Variants in CEP295NL observed in about 807,000 individuals in gnomAD.
CEP295NL encodes the protein CEP295 N-terminal like, also known as protein DDC8 homolog.
CEP295NL carries 3 observed loss-of-function variants against 4.6 expected under a neutral mutation model. The observed-to-expected ratio is 0.65, with a 90% CI of 0.30 to 1.69. The LOEUF (loss-of-function observed/expected upper bound fraction) is 1.69, where lower values mean the gene tolerates loss of function less well. CEP295NL is among the 40% of genes most tolerant of loss of function. The pLI is 0.10. For missense variants in CEP295NL, 719 were observed against 769.0 expected (o/e 0.93, Z 0.77); for synonymous variants, 295 against 312.2 (o/e 0.94, Z 0.58).
chr17:78,893,529 TTA>T (rs56786455), intron 2 of CEP295NL, among the ~76,000 whole-genome samples: 13,156 of 148,864 alleles, frequency 0.088, 1,759 homozygotes, highest in African/African-American at 0.31. Context: ...GCACATCTGT[TTA>T]TGTTTCTGTG....
chr17:78,894,273 G>A (rs918877065), intron 2 of CEP295NL, among the ~76,000 whole-genome samples: 1 of 152,018 alleles, frequency 6.6e-6, no homozygotes, highest in South Asian at 2.1e-4. Flanking sequence ...CTGGTAAGTG[G>A]CAGAGACAGG....
In CEP295NL at chr17:78,891,909, C is replaced by A. The variant is rs867893339; in HGVS notation, c.595G>T (p.Ala199Ser). The change falls in exon 3 of 3, where the codon GCG (alanine) becomes TCG (serine). Residue 199 changes from alanine to serine, a missense_variant. Coordinates refer to ENST00000322630, the MANE Select transcript of CEP295NL (RefSeq NM_001243540.2). The surrounding 1 kb of genome is among the most constrained non-coding windows in gnomAD (Gnocchi z 4.5). ...PRHSRPRKTA[A>S]SPEKPQTTKA... ...GTAGTCTGTGGTTTCTCTGGACTCG[C>A]TGCTGTCTTCCGGGGCCTGGAGTGC... 6.4e-7 allele frequency: 1 copy of A among 1,550,610 alleles called. No homozygotes were observed. Among genetic ancestry groups the A allele is most frequent in the African/African-American group, 1.4e-5 (1 of 73,182 alleles).
rs1319564808 is a variant in CEP295NL at position 78,896,634 on chromosome 17, C to T, written c.45-4175G>A. Among the ~76,000 whole-genome samples, 4 of 152,230 alleles carry T rather than the reference C, an allele frequency of 2.6e-5. No homozygotes were observed. Among genetic ancestry groups the T allele is most frequent in the African/African-American group, 7.2e-5 (3 of 41,552 alleles). ...CTGCTGCCCTCTGGTCCTGCCACCC[C>T]GAGCTGACAAGCCTGCCTTCTGCTG... On this transcript the variant is annotated intron_variant, in intron 2 of 2. Coordinates refer to ENST00000322630, the MANE Select transcript of CEP295NL (RefSeq NM_001243540.2). This position sits in a 1 kb window ranked among gnomAD's most constrained non-coding sequence, Gnocchi z 4.4.
chr17:78,901,542 G>A (rs1036642572), intron 2 of CEP295NL, among the ~76,000 whole-genome samples: 1 of 152,128 alleles, frequency 6.6e-6, no homozygotes. Context: ...AAAGGTCCTA[G>A]GAAGAAAAGC....
intron 1 of CEP295NL, chr17:78,902,583 T>G (rs553436740): frequency 6.6e-6 from 1 of 152,434 alleles, no homozygotes; most frequent in Admixed American, 6.5e-5. Flanking sequence ...GTGGAGATGG[T>G]TGGGCAGGCA....
chr17:78,892,230 C>T lies in CEP295NL; in HGVS notation c.274G>A (p.Ala92Thr), dbSNP rs747302803. The T allele has an allele frequency of 3.0e-4, 467 of 1,550,900 alleles. No homozygotes were observed. Among genetic ancestry groups the T allele is most frequent in the Admixed American group, 1.0e-3 (53 of 50,990 alleles). Residue 92 changes from alanine (A) to threonine (T), a missense_variant, in exon 3 of 3, where the codon GCT becomes ACT. Ala to Thr is a moderately conservative substitution (Grantham distance 58). Coordinates refer to ENST00000322630, the MANE Select transcript of CEP295NL (RefSeq NM_001243540.2). Reference protein sequence around the residue: ...LLQARGKGDLALQRRADAKLW... With the variant: ...LLQARGKGDLTLQRRADAKLW... ...TTGGCATCCGCTCTTCTCTGCAGAG[C>T]GAGATCGCCTTTGCCCCGGGCTTGT... is the stretch of plus-strand genomic sequence containing the variant.
intron 2 of CEP295NL, among the ~76,000 whole-genome samples, chr17:78,900,324 T>A (rs1339417421): frequency 1.3e-5 from 2 of 152,150 alleles, no homozygotes; most frequent in Non-Finnish European, 2.9e-5. Flanking sequence ...GGTGGCTGGA[T>A]CACCTCACGA....
At chr17:78,895,479 A>G (rs1014802978) in intron 2 of CEP295NL, among the ~76,000 whole-genome samples, 4 of 152,160 alleles carry the variant, frequency 2.6e-5, no homozygotes, top group Non-Finnish European at 4.4e-5. Context: ...GACAATAGCA[A>G]CTGTCAGTGA....
At chr17:78,892,747 G>A (rs895298780) in intron 2 of CEP295NL, among the ~76,000 whole-genome samples, 3 of 152,208 alleles carry the variant, frequency 2.0e-5, no homozygotes, top group African/African-American at 4.8e-5. Context: ...CAAATGCAGG[G>A]AGGAGGTGCT....
At chr17:78,894,849 A>G (rs2069973905) in intron 2 of CEP295NL, among the ~76,000 whole-genome samples, 1 of 152,240 alleles carries the variant, frequency 6.6e-6, no homozygotes, top group African/African-American at 2.4e-5. Context: ...TTCAAAAGGT[A>G]CCATAAGTAA....
intron 2 of CEP295NL, chr17:78,900,049 G>T (rs1479640511): frequency 1.3e-5 from 2 of 152,168 alleles, no homozygotes; most frequent in African/African-American, 2.4e-5. Context: ...ACCTTCTTTG[G>T]GGGAAATTTT....
chr17:78,896,738 T>C lies in CEP295NL; in HGVS notation c.45-4279A>G, dbSNP rs752555044. Among the ~76,000 whole-genome samples the C allele has an allele frequency of 7.9e-5, 12 of 151,822 alleles. No homozygotes were observed. Among genetic ancestry groups the C allele is most frequent in the Non-Finnish European group, 1.3e-4 (9 of 67,950 alleles). On this transcript the variant is annotated intron_variant, in intron 2 of 2. Coordinates refer to ENST00000322630, the MANE Select transcript of CEP295NL (RefSeq NM_001243540.2). The surrounding 1 kb of genome is among the most constrained non-coding windows in gnomAD (Gnocchi z 4.4). Reference sequence around the variant, plus strand: ...CTCGGAGCAGCAGAAGGAAGGCGAGTGGACACCAATCTGGCCTCCGGACGG... The same window carrying C: ...CTCGGAGCAGCAGAAGGAAGGCGAGCGGACACCAATCTGGCCTCCGGACGG...
intron 2 of CEP295NL, among the ~76,000 whole-genome samples, chr17:78,895,183 A>G (rs992034155): frequency 2.0e-5 from 3 of 152,212 alleles, no homozygotes; most frequent in Non-Finnish European, 4.4e-5. Flanking sequence ...CGGGAAGCTA[A>G]GGCAGGAGAA....
Position 78,890,898 on chromosome 17 carries a change from C to A in CEP295NL, c.1606G>T (p.Ala536Ser). ...PDMSLEIHYK[A>S]ELEKERREQR... is the part of the protein sequence containing the mutation. ...TCCCTCCTCTCTTTTTCTAGCTCAG[C>A]TTTGTAGTGGATTTCCAAGCTCATA... The change falls in exon 3 of 3, where the codon GCT becomes TCT. Residue 536 changes from alanine to serine, a missense_variant. Coordinates refer to ENST00000322630, the MANE Select transcript of CEP295NL (RefSeq NM_001243540.2). 1 of 1,550,714 alleles carries A rather than the reference C, an allele frequency of 6.4e-7. No individual in the cohort carries two copies. The highest frequency in any genetic ancestry group is 8.7e-7 in the Non-Finnish European group (1 of 1,147,038).
At chr17:78,901,998 T>C (rs565257801) in intron 1 of CEP295NL, 72 bp from the exon 2 acceptor site, 13 of 582,148 alleles carry the variant, frequency 2.2e-5, no homozygotes, top group South Asian at 1.9e-4. Context: ...CTCTGAGTTC[T>C]AGCCTCTAAA....
intron 1 of CEP295NL, 37 bp downstream of exon 1, chr17:78,903,097 A>C (rs1356270761): frequency 1.3e-5 from 2 of 152,316 alleles, no homozygotes; most frequent in African/African-American, 2.4e-5. Flanking sequence ...AGACACAGAG[A>C]GCCTCAGCCC....
At chr17:78,893,135 G>C (rs1236138912) in intron 2 of CEP295NL, among the ~76,000 whole-genome samples, 2 of 150,592 alleles carry the variant, frequency 1.3e-5, no homozygotes, top group African/African-American at 4.9e-5. Context: ...GTGCAGGGGT[G>C]TGTGTGCGTA....
At chr17:78,901,238 A>G (rs893756889) in intron 2 of CEP295NL, 1 of 154,734 alleles carries the variant, frequency 6.5e-6, no homozygotes, top group Non-Finnish European at 1.4e-5. Flanking sequence ...GATGGTCAAC[A>G]GCTACGAAGT....
At position 78,892,245 on chromosome 17, in the gene CEP295NL, C is replaced by A; in HGVS notation, c.259G>T (p.Gly87Cys). The stretch of plus-strand genomic sequence containing the variant: ...CTCTGCAGAGCGAGATCGCCTTTGC[C>A]CCGGGCTTGTAGCAATTTGTGCTTT... The part of the protein sequence containing the change: ...RKKHKLLQAR[G>C]KGDLALQRRA... Residue 87 changes from glycine to cysteine, a missense_variant, in exon 3 of 3, where the codon GGC becomes TGC. Coordinates refer to ENST00000322630, the MANE Select transcript of CEP295NL (RefSeq NM_001243540.2). The A allele has an allele frequency of 6.4e-7, 1 of 1,550,942 alleles. No individual in the cohort carries two copies. Among genetic ancestry groups the A allele is most frequent in the South Asian group, 1.2e-5 (1 of 84,066 alleles).
Sources: allele counts gnomAD v4.1 joint callset (sites outside exome capture counted in the v4.1 genomes callset), GRCh38; gene constraint gnomAD v4.1.1; non-coding constraint Gnocchi (gnomAD v3.1); transcripts MANE v1.5; gene names NCBI Gene and HGNC (gene_info 2026-07-23, HGNC 2026-07-21).